The following SYNE1 variants were observed in gnomAD, a reference collection of about 807,000 sequenced individuals.
The protein encoded by SYNE1 is nesprin-1.
A neutral mutation model predicts 1,111.0 loss-of-function variants in SYNE1; 616 were observed. That is an observed-to-expected ratio of 0.55 (90% CI 0.52 to 0.59). The LOEUF is 0.59. SYNE1 is among the 20% of genes least tolerant of loss of function. The pLI is 0.00. For synonymous variants in SYNE1, 3,855 were observed against 3,825.8 expected (o/e 1.01, Z -0.28); for missense variants, 10,006 against 10,417.0 (o/e 0.96, Z 1.72).
chr6:152,419,515 A>G, intron 40 of SYNE1, 54 bp downstream of exon 40: 1 of 1,545,692 alleles, frequency 6.5e-7, no homozygotes, highest in Non-Finnish European at 8.8e-7. Flanking sequence ...TAATTCAAGA[A>G]CTTTTTTATG....
chr6:152,342,648 T>C (rs2096556217), intron 74 of SYNE1, among the ~76,000 whole-genome samples: 1 of 152,218 alleles, frequency 6.6e-6, no homozygotes, highest in Non-Finnish European at 1.5e-5. Flanking sequence ...TATTAAATAC[T>C]GTTAATTCGT....
At chr6:152,276,611 T>C (rs567317097) in intron 98 of SYNE1, among the ~76,000 whole-genome samples, 2 of 152,312 alleles carry the variant, frequency 1.3e-5, no homozygotes, top group Admixed American at 1.3e-4. Flanking sequence ...ACAATATTTA[T>C]GTCCTACTTC....
chr6:152,503,029 C>A (rs188206728), intron 9 of SYNE1, among the ~76,000 whole-genome samples: 1 of 152,216 alleles, frequency 6.6e-6, no homozygotes, highest in African/African-American at 2.4e-5. Flanking sequence ...GACAGTATCT[C>A]CCAAATGGGT....
At chr6:152,447,063 AG>A (rs2098598938) in intron 29 of SYNE1, among the ~76,000 whole-genome samples, 1 of 152,180 alleles carries the variant, frequency 6.6e-6, no homozygotes, top group Non-Finnish European at 1.5e-5. Flanking sequence ...ATGTTACGTA[AG>A]TTGAAGGTTA....
chr6:152,183,940 C>A (rs537598136), intron 128 of SYNE1, among the ~76,000 whole-genome samples: 13 of 133,782 alleles, frequency 9.7e-5, no homozygotes, highest in African/African-American at 3.0e-4. Context: ...ATAGTTCATC[C>A]ATCACTGACT....
chr6:152,402,403 T>A (rs2097835544), intron 46 of SYNE1: 1 of 152,186 alleles, frequency 6.6e-6, no homozygotes, highest in African/African-American at 2.4e-5. Context: ...TATAATATCC[T>A]CATATGGTGG....
At chr6:152,302,205 C>T (rs2095212127) in intron 91 of SYNE1, 142 bp from the exon 92 acceptor site, 5 of 1,088,220 alleles carry the variant, frequency 4.6e-6, no homozygotes, top group Non-Finnish European at 6.8e-6. Context: ...GGCGGCGAGT[C>T]CTCCTGCATC....
At chr6:152,407,515 A>G (rs183598314) in intron 44 of SYNE1, among the ~76,000 whole-genome samples, 1 of 152,340 alleles carries the variant, frequency 6.6e-6, no homozygotes, top group East Asian at 1.9e-4. Context: ...ACAAAGGTCC[A>G]TCAAGAACAG....
Position 152,164,302 on chromosome 6 carries a change from A to C in SYNE1, c.23651T>G (p.Leu7884Arg), listed in dbSNP as rs769743868. The part of the protein sequence containing the change: ...AARVKKLKET[L>R]VAVQQLDKNM... ...CTTATCAAGCTGCTGCACGGCTACCAGGGTCTCCTTCAGCTTCTTCACCCT... is the reference window on the plus strand; with the variant it reads ...CTTATCAAGCTGCTGCACGGCTACCCGGGTCTCCTTCAGCTTCTTCACCCT... Residue 7884 changes from leucine to arginine, a missense_variant, in exon 131 of 146, where the codon CTG (leucine) becomes CGG (arginine). This residue lies in a region of SYNE1 where 2,182 missense variants were observed against 2,287.8 expected (regional missense o/e 0.95). Coordinates refer to ENST00000367255, the MANE Select transcript of SYNE1 (RefSeq NM_182961.4). 1 of 1,614,142 alleles carries C rather than the reference A, an allele frequency of 6.2e-7. No individual in the cohort carries two copies. Among genetic ancestry groups the C allele is most frequent in the South Asian group, 1.1e-5 (1 of 91,072 alleles).
chr6:152,291,486 A>G (rs1035953856), intron 95 of SYNE1, among the ~76,000 whole-genome samples: 2 of 152,148 alleles, frequency 1.3e-5, no homozygotes, highest in African/African-American at 2.4e-5. Flanking sequence ...ATCAGAATTA[A>G]TGTGCAATTT....
At chr6:152,405,210 G>A (rs2097879712) in intron 45 of SYNE1, among the ~76,000 whole-genome samples, 1 of 152,142 alleles carries the variant, frequency 6.6e-6, no homozygotes, top group Admixed American at 6.6e-5. Flanking sequence ...ACAGACAGTG[G>A]GTAACATAAA....
intron 127 of SYNE1, among the ~76,000 whole-genome samples, chr6:152,201,084 C>T (rs909843862): frequency 1.3e-5 from 2 of 152,166 alleles, no homozygotes; most frequent in African/African-American, 4.8e-5. Context: ...CTGGGGAACA[C>T]AAGGGCATGT....
At chr6:152,574,339 C>T (rs1477645784) in intron 3 of SYNE1, among the ~76,000 whole-genome samples, 3 of 151,536 alleles carry the variant, frequency 2.0e-5, no homozygotes, top group Non-Finnish European at 2.9e-5. Context: ...GGAGAGTTGC[C>T]TCAGAAACGT....
chr6:152,132,254 A>T (rs1462512764), intron 143 of SYNE1, 40 bp from the exon 144 acceptor site: 1 of 1,575,598 alleles, frequency 6.3e-7, no homozygotes, highest in Non-Finnish European at 8.7e-7. Context: ...TCCATGTCCC[A>T]GACCCATGGG....
At chr6:152,437,314 A>G (rs2098482745) in intron 32 of SYNE1, among the ~76,000 whole-genome samples, 1 of 152,236 alleles carries the variant, frequency 6.6e-6, no homozygotes, top group South Asian at 2.1e-4. Flanking sequence ...AGCCTGGGCT[A>G]GAATCCAGGA....
chr6:152,430,776 T>C, intron 34 of SYNE1, 67 bp from the exon 35 acceptor site: 1 of 1,391,952 alleles, frequency 7.2e-7, no homozygotes, highest in Non-Finnish European at 1.0e-6. Flanking sequence ...AATGATACAA[T>C]TATCTGCAAA....
In SYNE1 at chr6:152,498,744, T is replaced by A; in HGVS notation, c.937A>T (p.Lys313Ter). 1.9e-6 allele frequency: 3 copies of A among 1,555,286 alleles called. No individual in the cohort carries two copies. Among genetic ancestry groups the A allele is most frequent in the Non-Finnish European group, 2.6e-6 (3 of 1,140,094 alleles). ...PSFANSVQNF[K>*]REDRVIFKEM... ...ATGCAAGATTACTTAAATCTTACCT[T>A]AAAATTTTGTACAGAATTTGCAAAA... The change falls in exon 11 of 146, where the codon AAG becomes TAG. Residue 313 changes from lysine to a stop codon, truncating the protein, a stop_gained and splice_region_variant. Transcript: ENST00000367255. LOFTEE classifies it high-confidence loss of function.
At chr6:152,233,679 G>C in intron 112 of SYNE1, 102 bp downstream of exon 112, 1 of 1,425,554 alleles carries the variant, frequency 7.0e-7, no homozygotes, top group South Asian at 1.2e-5. Context: ...AGGTGTCTGG[G>C]ACAAAGCTGA....
chr6:152,281,367 T>C (rs1189344703), intron 97 of SYNE1, among the ~76,000 whole-genome samples: 3 of 152,154 alleles, frequency 2.0e-5, no homozygotes, highest in Admixed American at 6.5e-5. Flanking sequence ...TCAGTCTCCC[T>C]GTTTGCCTAA....
Sources: gnomAD v4.1 joint callset for allele counts (sites outside exome capture counted in the v4.1 genomes callset) on GRCh38, gnomAD v4.1.1 for gene constraint, gnomAD v4.1.1 regional missense constraint, MANE v1.5 for transcripts, NCBI Gene and HGNC (gene_info 2026-07-23, HGNC 2026-07-21) for gene names.